The following KCNQ3 variants were observed in gnomAD, a reference collection of about 807,000 sequenced individuals.
KCNQ3 encodes potassium voltage-gated channel subfamily Q member 3, also known as potassium voltage-gated channel subfamily KQT member 3.
KCNQ3 carries 30 observed loss-of-function variants against 92.5 expected under a neutral mutation model. The ratio of observed to expected loss-of-function variants is 0.32; its 90% confidence interval spans 0.24 to 0.44. KCNQ3 has a LOEUF of 0.44. Ranked by LOEUF, KCNQ3 falls within the 20% of genes least tolerant of loss-of-function variation. The pLI, the probability that KCNQ3 is intolerant of heterozygous loss-of-function variation, is 1.00. For missense variants in KCNQ3, 913 were observed against 1,140.3 expected, an observed-to-expected ratio of 0.80 and a Z score of 2.87; for synonymous variants, 450 against 468.8, an observed-to-expected ratio of 0.96 and a Z score of 0.52.
chr8:132,448,152 T>C (rs1300864080), intron 1 of KCNQ3, among the ~76,000 whole-genome samples: 1 of 152,190 alleles, frequency 6.6e-6, no homozygotes, highest in Non-Finnish European at 1.5e-5. Flanking sequence ...CCCTGTTTTG[T>C]AGCAGCTGTC....
chr8:132,309,710 A>AACTG (rs1817535009), intron 1 of KCNQ3, among the ~76,000 whole-genome samples: 1 of 152,196 alleles, frequency 6.6e-6, no homozygotes, highest in Non-Finnish European at 1.5e-5. Flanking sequence ...ACCAACACAG[A>AACTG]ACTGGGTTGA....
intron 1 of KCNQ3, among the ~76,000 whole-genome samples, chr8:132,301,913 C>G (rs1231202701): frequency 6.6e-6 from 1 of 152,070 alleles, no homozygotes; most frequent in Non-Finnish European, 1.5e-5. Context: ...CACAAATAAG[C>G]CCAGAAATTA....
chr8:132,436,570 T>G (rs913254519), intron 1 of KCNQ3, among the ~76,000 whole-genome samples: 13 of 152,224 alleles, frequency 8.5e-5, no homozygotes, highest in African/African-American at 3.1e-4. Flanking sequence ...TGGGGATTAT[T>G]TGTACAGGAA....
intron 1 of KCNQ3, among the ~76,000 whole-genome samples, chr8:132,448,452 G>A (rs1276915459): frequency 6.8e-6 from 1 of 147,696 alleles, no homozygotes; most frequent in African/African-American, 2.5e-5. Flanking sequence ...TCTCTCCAGG[G>A]CTTTCCCAGA....
intron 1 of KCNQ3, among the ~76,000 whole-genome samples, chr8:132,204,244 T>G (rs1416582683): frequency 6.6e-6 from 1 of 152,228 alleles, no homozygotes; most frequent in East Asian, 1.9e-4. Context: ...CGGAGGCAGA[T>G]CCTGCATCTC....
intron 1 of KCNQ3, among the ~76,000 whole-genome samples, chr8:132,254,258 T>G (rs1815507262): frequency 6.6e-6 from 1 of 152,126 alleles, no homozygotes; most frequent in Non-Finnish European, 1.5e-5. Flanking sequence ...TATAAACTGG[T>G]GATAGAGATA....
At chr8:132,345,263 C>CGTGGTTCCTTAG (rs1818651874) in intron 1 of KCNQ3, among the ~76,000 whole-genome samples, 1 of 152,210 alleles carries the variant, frequency 6.6e-6, no homozygotes, top group Admixed American at 6.5e-5. Flanking sequence ...GAACCACCCA[C>CGTGGTTCCTTAG]ACCCATCCTG....
rs1008074107 is a variant in KCNQ3 at position 132,269,418 on chromosome 8, T to G, written c.387-83237A>C. ...TGTCTAGATTCTACTTATTTATTTA[T>G]TTTTTTGCATCTGGATCTCTGGTTG... On this transcript the variant is annotated intron_variant, in intron 1 of 14. Transcript: ENST00000388996. Among the ~76,000 whole-genome samples the G allele has an allele frequency of 2.0e-5, 3 of 152,212 alleles. No individual in the cohort carries two copies. In the East Asian group the frequency reaches 5.8e-4, roughly 29 times the overall value.
chr8:132,213,061 C>T (rs895027733), intron 1 of KCNQ3, among the ~76,000 whole-genome samples: 15 of 150,104 alleles, frequency 1.0e-4, no homozygotes, highest in Admixed American at 8.7e-4. Flanking sequence ...AAAACCAAGA[C>T]TTTTTTTTTT....
At chr8:132,167,391 T>G (rs1826173355) in intron 8 of KCNQ3, among the ~76,000 whole-genome samples, 1 of 152,328 alleles carries the variant, frequency 6.6e-6, no homozygotes, top group Middle Eastern at 3.4e-3. Context: ...TCAAAACCAC[T>G]GAACTGTTCA....
At chr8:132,454,464 T>A (rs1364866898) in intron 1 of KCNQ3, among the ~76,000 whole-genome samples, 4 of 152,250 alleles carry the variant, frequency 2.6e-5, no homozygotes, top group Non-Finnish European at 4.4e-5. Flanking sequence ...CTCATTTTAT[T>A]CTCCTACATT....
At chr8:132,283,538 T>C (rs1430339059) in intron 1 of KCNQ3, among the ~76,000 whole-genome samples, 1 of 152,228 alleles carries the variant, frequency 6.6e-6, no homozygotes, top group Admixed American at 6.5e-5. Flanking sequence ...TGGAAGGTCC[T>C]CTTCCTGGTC....
intron 1 of KCNQ3, among the ~76,000 whole-genome samples, chr8:132,317,761 A>C (rs1456413046): frequency 6.6e-6 from 1 of 151,750 alleles, no homozygotes; most frequent in Non-Finnish European, 1.5e-5. Flanking sequence ...TTTGCCCCGA[A>C]CTCCTGCCCT....
At chr8:132,207,704 A>G (rs2130285002) in intron 1 of KCNQ3, among the ~76,000 whole-genome samples, 1 of 149,764 alleles carries the variant, frequency 6.7e-6, no homozygotes, top group South Asian at 2.1e-4. Flanking sequence ...AACATCTCAG[A>G]CTTTTTTTTT....
Position 132,146,414 on chromosome 8 carries a change from T to C in KCNQ3, c.1263-5083A>G, listed in dbSNP as rs115146242. Reference sequence around the variant, plus strand: ...GACAAATACTATATGATTCCACTTATATGGGATATCAAGTGTGGTCAAGCT... The same window carrying C: ...GACAAATACTATATGATTCCACTTACATGGGATATCAAGTGTGGTCAAGCT... On this transcript the variant is annotated intron_variant, in intron 9 of 14. Coordinates refer to ENST00000388996, the MANE Select transcript of KCNQ3 (RefSeq NM_004519.4). Among the ~76,000 whole-genome samples, 1,188 of 152,318 alleles carry C rather than the reference T, an allele frequency of 7.8e-3. 21 individuals are homozygous for C. Among genetic ancestry groups the C allele is most frequent in the African/African-American group, 0.027 (1,127 of 41,558 alleles).
intron 1 of KCNQ3, among the ~76,000 whole-genome samples, chr8:132,201,157 G>A (rs573168824): frequency 1.3e-5 from 2 of 152,214 alleles, no homozygotes; most frequent in Admixed American, 6.5e-5. Context: ...AGGCAGAGCC[G>A]CCCTGACCTC....
chr8:132,221,118 C>CA (rs906407761), intron 1 of KCNQ3, among the ~76,000 whole-genome samples: 49 of 152,168 alleles, frequency 3.2e-4, no homozygotes, highest in Non-Finnish European at 2.9e-4. Context: ...TATACAGCTG[C>CA]ATCCATGTCC....
At chr8:132,310,083 T>C (rs146090903) in intron 1 of KCNQ3, among the ~76,000 whole-genome samples, 19 of 152,316 alleles carry the variant, frequency 1.2e-4, no homozygotes, top group African/African-American at 4.6e-4. Context: ...TAGGAATAGA[T>C]CTACTGGCCT....
chr8:132,334,136 C>G (rs1205692070), intron 1 of KCNQ3, among the ~76,000 whole-genome samples: 1 of 152,112 alleles, frequency 6.6e-6, no homozygotes, highest in Non-Finnish European at 1.5e-5. Context: ...TTTAAATCTT[C>G]CCATATTGTT....
Sources: allele counts gnomAD v4.1 joint callset (sites outside exome capture counted in the v4.1 genomes callset), GRCh38; gene constraint gnomAD v4.1.1; transcripts MANE v1.5; gene names NCBI Gene and HGNC (gene_info 2026-07-23, HGNC 2026-07-21).